KIF18A: variants seen among roughly 807,000 people sequenced by gnomAD.
The protein encoded by KIF18A is kinesin-like protein KIF18A.
In KIF18A, 67 loss-of-function variants were observed where a neutral mutation model predicts 103.3. The observed-to-expected ratio is 0.65, with a 90% confidence interval of 0.53 to 0.79. The LOEUF (loss-of-function observed/expected upper bound fraction) is 0.79. Among genes scored for constraint, KIF18A ranks in the 30% least tolerant of loss-of-function variants. KIF18A has a pLI of 0.00. For missense variants in KIF18A, 1,032 were observed against 1,062.5 expected, an observed-to-expected ratio of 0.97 and a Z score of 0.40; for synonymous variants, 367 against 355.5, an observed-to-expected ratio of 1.03 and a Z score of -0.36.
chr11:28,094,556 C>A, intron 3 of KIF18A, 87 bp downstream of exon 3: 3 of 872,006 alleles, frequency 3.4e-6, no homozygotes, highest in Middle Eastern at 3.3e-4. Context: ...ATATATTCAC[C>A]GGAAAACTCT....
Position 28,090,650 on chromosome 11 carries a change from A to G in KIF18A, c.666T>C (p.Asn222=). Residue 222 remains asparagine, a synonymous_variant, in exon 5 of 17, where the codon AAT becomes AAC. Transcript: ENST00000263181. Reference sequence around the variant, plus strand: ...CAGCATGAGAACGAGAAGATGTGGCATTCATATCAGTGGGATGTTGTGTCC... The same window carrying G: ...CAGCATGAGAACGAGAAGATGTGGCGTTCATATCAGTGGGATGTTGTGTCC... ...KNRTQHPTDM[N]ATSSRSHAVF... 1.2e-6 allele frequency: 2 copies of G among 1,606,638 alleles called. No individual in the cohort carries two copies. Among genetic ancestry groups the G allele is most frequent in the Non-Finnish European group, 1.7e-6 (2 of 1,173,768 alleles).
In KIF18A at chr11:28,097,865, G is replaced by A; in HGVS notation, c.83C>T (p.Ala28Val). The change falls in exon 2 of 17, where the codon GCT (alanine) becomes GTT (valine). Residue 28 changes from alanine (A) to valine (V), a missense_variant. Coordinates refer to ENST00000263181, the MANE Select transcript of KIF18A (RefSeq NM_031217.4). ...AACATGAACCACTTTATGAAATCCA[G>A]CTGCTTTTTCTTTAGTGTTTTCCGG... ...VRPENTKEKA[A>V]GFHKVVHVVD... 1 of 1,611,626 alleles carries A rather than the reference G, an allele frequency of 6.2e-7. No individual in the cohort carries two copies. The highest frequency in any genetic ancestry group is 1.7e-5 in the Admixed American group (1 of 59,698).
At chr11:28,079,339 T>TAAC (rs10650126) in intron 9 of KIF18A, among the ~76,000 whole-genome samples, 151,441 of 152,028 alleles carry the variant, frequency 1, 75,434 homozygotes, top group Middle Eastern at 1. Flanking sequence ...CAAAATGAAA[T>TAAC]AACAACAACT....
chr11:28,057,678 T>A (rs1850799400), intron 13 of KIF18A, among the ~76,000 whole-genome samples: 1 of 151,422 alleles, frequency 6.6e-6, no homozygotes, highest in Admixed American at 6.6e-5. Flanking sequence ...AAAAAAAAAA[T>A]GATATGTCCT....
intron 15 of KIF18A, 33 bp downstream of exon 15, chr11:28,035,354 T>C: frequency 8.1e-7 from 1 of 1,235,584 alleles, no homozygotes; most frequent in South Asian, 1.4e-5. Context: ...CTTATATAAC[T>C]ACAGAACCAA....
chr11:28,098,865 C>A (rs1302613155), intron 1 of KIF18A, among the ~76,000 whole-genome samples: 3 of 150,282 alleles, frequency 2.0e-5, no homozygotes, highest in African/African-American at 4.9e-5. Context: ...CAAACAACAA[C>A]AACAACAAAA....
At position 28,024,513 on chromosome 11, in the gene KIF18A, CCT is replaced by C. The variant is rs1468225479; in HGVS notation, c.2505-665_2505-664del. Among the ~76,000 whole-genome samples the C allele has an allele frequency of 5.3e-5, 8 of 151,942 alleles. No homozygotes were observed. In the East Asian group the frequency reaches 1.5e-3, roughly 29 times the overall value. On this transcript the variant is annotated intron_variant, in intron 15 of 16. Transcript: ENST00000263181. ...TACAAGTAAACAAGGCACAAAAATC[CCT>C]GTCCTAAAAACTTATAGAATAGACA...
Position 28,069,420 on chromosome 11 carries a change from T to C in KIF18A, c.1429A>G (p.Thr477Ala), listed in dbSNP as rs1850981265. The C allele has an allele frequency of 6.2e-7, 1 of 1,612,478 alleles. No individual in the cohort carries two copies. The highest frequency in any genetic ancestry group is 8.5e-7 in the Non-Finnish European group (1 of 1,179,330). Residue 477 changes from threonine (T) to alanine (A), a missense_variant, in exon 11 of 17, where the codon ACT becomes GCT. Physicochemically the swap from Thr to Ala is moderately conservative, Grantham distance 58. Transcript: ENST00000263181. Reference sequence around the variant, plus strand: ...GCAAGTCTATGATCTCGTTTTCCAGTGGCCTGAAACACGATTCATTTAACA... The same window carrying C: ...GCAAGTCTATGATCTCGTTTTCCAGCGGCCTGAAACACGATTCATTTAACA... Reference protein sequence around the residue: ...MCSEDKVEKATGKRDHRLAML... With the variant: ...MCSEDKVEKAAGKRDHRLAML...
chr11:28,044,523 C>T (rs563427223), intron 13 of KIF18A, among the ~76,000 whole-genome samples: 1 of 152,162 alleles, frequency 6.6e-6, no homozygotes, highest in African/African-American at 2.4e-5. Context: ...CTATAAAAAA[C>T]TGAAAGTATG....
chr11:28,028,842 G>C lies in KIF18A; in HGVS notation c.2505-4992C>G, dbSNP rs1850356604. On this transcript the variant is annotated intron_variant, in intron 15 of 16. Coordinates refer to ENST00000263181, the MANE Select transcript of KIF18A (RefSeq NM_031217.4). ...ATAGACACAATAAAAAAAGATAAAG[G>C]GGATATCACCACCGATCCCACAGAA... Among the ~76,000 whole-genome samples, 4 of 151,888 alleles carry C rather than the reference G, an allele frequency of 2.6e-5. No individual in the cohort carries two copies. In the South Asian group the frequency reaches 8.3e-4, roughly 32 times the overall value.
chr11:28,070,567 C>CT (rs1162423918), intron 10 of KIF18A, among the ~76,000 whole-genome samples: 2 of 152,214 alleles, frequency 1.3e-5, no homozygotes, highest in Non-Finnish European at 2.9e-5. Flanking sequence ...GTTCCTGACT[C>CT]TTTTTTATGG....
chr11:28,076,283 CA>C (rs1851090328), intron 10 of KIF18A, among the ~76,000 whole-genome samples: 1 of 152,124 alleles, frequency 6.6e-6, no homozygotes, highest in Admixed American at 6.6e-5. Flanking sequence ...CTAACAATTT[CA>C]GTGATAAAAT....
Position 28,091,462 on chromosome 11 carries a change from C to T in KIF18A, c.535G>A (p.Val179Ile), listed in dbSNP as rs746312316. ...DLLVNSGPLA[V>I]REDTQKGVVV... is the part of the protein sequence containing the mutation. ...ACCCCTTTTTGGGTATCTTCCCGGACAGCAAGTGGCCCTGAATTTACTAAG... is the reference window on the plus strand; with the variant it reads ...ACCCCTTTTTGGGTATCTTCCCGGATAGCAAGTGGCCCTGAATTTACTAAG... Residue 179 changes from valine to isoleucine, a missense_variant, in exon 4 of 17, where the codon GTC becomes ATC. Val to Ile is a conservative substitution (Grantham distance 29). Coordinates refer to ENST00000263181, the MANE Select transcript of KIF18A (RefSeq NM_031217.4). 11 of 1,611,808 alleles carry T rather than the reference C, an allele frequency of 6.8e-6. No homozygotes were observed. The South Asian group carries it at 1.1e-4, about 16-fold the overall frequency.
At chr11:28,046,249 A>C (rs1850631814) in intron 13 of KIF18A, among the ~76,000 whole-genome samples, 1 of 151,270 alleles carries the variant, frequency 6.6e-6, no homozygotes. Flanking sequence ...ATGCACACGT[A>C]TGTTTATTGC....
chr11:28,072,014 T>G (rs1223227650), intron 10 of KIF18A, among the ~76,000 whole-genome samples: 1 of 152,110 alleles, frequency 6.6e-6, no homozygotes, highest in Non-Finnish European at 1.5e-5. Context: ...CTAATGTCCA[T>G]CAAATGTATC....
At chr11:28,058,874 G>T (rs550625117) in intron 13 of KIF18A, 52 bp downstream of exon 13, 2 of 1,347,302 alleles carry the variant, frequency 1.5e-6, no homozygotes, top group Admixed American at 3.5e-5. Flanking sequence ...ATATACAAAG[G>T]TTCTCTTTAG....
chr11:28,080,613 G>C (rs1851153841), intron 9 of KIF18A, among the ~76,000 whole-genome samples: 1 of 152,034 alleles, frequency 6.6e-6, no homozygotes, highest in Non-Finnish European at 1.5e-5. Context: ...TGTGTGCTCT[G>C]ACGGCTCCAC....
intron 2 of KIF18A, 83 bp downstream of exon 2, chr11:28,097,540 A>C (rs1248272891): frequency 1.1e-6 from 1 of 895,000 alleles, no homozygotes; most frequent in South Asian, 1.4e-5. Flanking sequence ...ATTTGATTAT[A>C]TTTAGAAGGG....
chr11:28,049,795 T>G (rs1162741010), intron 13 of KIF18A, among the ~76,000 whole-genome samples: 1 of 151,990 alleles, frequency 6.6e-6, no homozygotes, highest in Admixed American at 6.6e-5. Flanking sequence ...TCATCATAAA[T>G]CTGGATTCTT....
Sources: gnomAD v4.1 joint callset for allele counts (sites outside exome capture counted in the v4.1 genomes callset) on GRCh38, gnomAD v4.1.1 for gene constraint, MANE v1.5 for transcripts, NCBI Gene and HGNC (gene_info 2026-07-23, HGNC 2026-07-21) for gene names.